Variants in GABRB1 observed in about 807,000 individuals in gnomAD.
GABRB1 encodes the protein gamma-aminobutyric acid receptor subunit beta-1.
Under a neutral mutation model 51.6 loss-of-function variants are expected in GABRB1, and 17 were observed. The ratio of observed to expected loss-of-function variants is 0.33; its 90% CI spans 0.23 to 0.49. The LOEUF (loss-of-function observed/expected upper bound fraction) is 0.49. Ranked by LOEUF, GABRB1 falls within the 20% of genes least tolerant of loss-of-function variation. The pLI is 0.99. For missense variants in GABRB1, 410 were observed against 600.6 expected, an observed-to-expected ratio of 0.68 and a Z score of 3.32; for synonymous variants, 247 against 218.9, an observed-to-expected ratio of 1.13 and a Z score of -1.14.
chr4:47,302,434 A>T (rs181730465), intron 4 of GABRB1, among the ~76,000 whole-genome samples: 12 of 152,086 alleles, frequency 7.9e-5, no homozygotes, highest in African/African-American at 2.9e-4. Context: ...TGAATATATC[A>T]TTTACTGTAA....
chr4:47,187,043 A>T (rs917883150), intron 4 of GABRB1, among the ~76,000 whole-genome samples: 1 of 151,916 alleles, frequency 6.6e-6, no homozygotes, highest in African/African-American at 2.4e-5. Flanking sequence ...CGCCTAGTAA[A>T]TATTGGAAGC....
At chr4:47,048,271 C>G (rs547253205) in intron 3 of GABRB1, among the ~76,000 whole-genome samples, 1 of 152,246 alleles carries the variant, frequency 6.6e-6, no homozygotes, top group South Asian at 2.1e-4. Flanking sequence ...AATTAAGTCT[C>G]TCTTCTTGGA....
At chr4:47,081,244 G>A (rs1727829888) in intron 3 of GABRB1, among the ~76,000 whole-genome samples, 1 of 152,136 alleles carries the variant, frequency 6.6e-6, no homozygotes. Flanking sequence ...AGCAGTGGAA[G>A]CACGTTTATG....
intron 3 of GABRB1, among the ~76,000 whole-genome samples, chr4:47,152,196 A>T (rs1444479330): frequency 6.6e-6 from 1 of 151,954 alleles, no homozygotes; most frequent in African/African-American, 2.4e-5. Context: ...TTTTATAAGG[A>T]TGAACAATTT....
At chr4:47,402,149 A>G (rs909876047) in intron 5 of GABRB1, among the ~76,000 whole-genome samples, 18 of 152,228 alleles carry the variant, frequency 1.2e-4, no homozygotes, top group Admixed American at 6.5e-4. Flanking sequence ...GGGGAAAAAT[A>G]GCTTAAAATT....
At chr4:47,219,257 G>T (rs145116325) in intron 4 of GABRB1, among the ~76,000 whole-genome samples, 12 of 151,776 alleles carry the variant, frequency 7.9e-5, no homozygotes, top group Non-Finnish European at 1.5e-5. Flanking sequence ...ATTACTAAAC[G>T]TAATTCTATA....
At chr4:47,213,140 C>G (rs1331328927) in intron 4 of GABRB1, among the ~76,000 whole-genome samples, 1 of 152,158 alleles carries the variant, frequency 6.6e-6, no homozygotes, top group South Asian at 2.1e-4. Context: ...TCCTTATACT[C>G]TTTCTTCAAA....
chr4:47,424,962 A>T (rs1729221770), intron 8 of GABRB1, among the ~76,000 whole-genome samples: 1 of 152,214 alleles, frequency 6.6e-6, no homozygotes, highest in African/African-American at 2.4e-5. Flanking sequence ...TTGACCCATT[A>T]ATCATATCTG....
At chr4:47,199,317 G>C (rs997355996) in intron 4 of GABRB1, among the ~76,000 whole-genome samples, 1 of 152,166 alleles carries the variant, frequency 6.6e-6, no homozygotes, top group Admixed American at 6.5e-5. Flanking sequence ...CCTTTTGCTA[G>C]TGCCTCTGAC....
intron 3 of GABRB1, among the ~76,000 whole-genome samples, chr4:47,072,964 CTT>C (rs755157966): frequency 3.7e-4 from 57 of 152,248 alleles, no homozygotes; most frequent in Non-Finnish European, 7.6e-4. Context: ...GTGCAGCACA[CTT>C]AGAATAGTTC....
chr4:47,001,562 G>GT (rs1285929953), intron 1 of GABRB1, among the ~76,000 whole-genome samples: 1 of 152,152 alleles, frequency 6.6e-6, no homozygotes, highest in Non-Finnish European at 1.5e-5. Flanking sequence ...CCAATCTGTT[G>GT]AAGGCCTTAA....
chr4:47,025,236 A>G (rs918001902), intron 1 of GABRB1, among the ~76,000 whole-genome samples: 1 of 151,512 alleles, frequency 6.6e-6, no homozygotes, highest in Admixed American at 6.6e-5. Flanking sequence ...TCATATACTG[A>G]TTTATTTTCC....
chr4:47,247,261 T>G (rs1171496788), intron 4 of GABRB1, among the ~76,000 whole-genome samples: 2 of 152,140 alleles, frequency 1.3e-5, no homozygotes, highest in Non-Finnish European at 2.9e-5. Flanking sequence ...CCCAGCACCA[T>G]TTGTTGAAAA....
intron 4 of GABRB1, among the ~76,000 whole-genome samples, chr4:47,200,818 A>C (rs1480811268): frequency 2.0e-5 from 3 of 152,152 alleles, no homozygotes; most frequent in Non-Finnish European, 4.4e-5. Flanking sequence ...CAGCTCTAGG[A>C]CCTTGATTTA....
At chr4:47,193,057 T>A (rs190310131) in intron 4 of GABRB1, among the ~76,000 whole-genome samples, 2 of 152,340 alleles carry the variant, frequency 1.3e-5, no homozygotes, top group African/African-American at 4.8e-5. Flanking sequence ...TTAATCCACA[T>A]GAAGCTAGCA....
Position 47,159,509 on chromosome 4 carries a change from ATT to A in GABRB1, c.241-1728_241-1727del, listed in dbSNP as rs5858056. On this transcript the variant is annotated intron_variant, in intron 3 of 8. Transcript: ENST00000295454. ...GAGGACTGTAAGTAGCCTGAGGGTTATTTTTTTTTTTTTACATGAAGGTAAGG... is the reference window on the plus strand; with the variant it reads ...GAGGACTGTAAGTAGCCTGAGGGTTATTTTTTTTTTTACATGAAGGTAAGG... 5.0e-3 allele frequency among the ~76,000 whole-genome samples: 742 copies of A among 148,340 alleles called. 4 individuals carry two copies. Among genetic ancestry groups the A allele is most frequent in the African/African-American group, 9.8e-3 (400 of 40,642 alleles).
intron 4 of GABRB1, among the ~76,000 whole-genome samples, chr4:47,272,817 G>C (rs897568493): frequency 1.3e-5 from 2 of 151,974 alleles, no homozygotes; most frequent in Admixed American, 6.6e-5. Context: ...GTTATAAATA[G>C]TGCTATAATG....
At chr4:47,324,630 T>A (rs1725187247) in intron 5 of GABRB1, among the ~76,000 whole-genome samples, 2 of 152,172 alleles carry the variant, frequency 1.3e-5, no homozygotes, top group Admixed American at 1.3e-4. Flanking sequence ...CTCAGAAAGG[T>A]CACAAAGGAC....
chr4:46,999,202 T>G (rs1475638142), intron 1 of GABRB1, among the ~76,000 whole-genome samples: 1 of 152,170 alleles, frequency 6.6e-6, no homozygotes, highest in Non-Finnish European at 1.5e-5. Context: ...ACTGGAGGTA[T>G]GATTCATTTG....
Sources: allele counts gnomAD v4.1 joint callset (sites outside exome capture counted in the v4.1 genomes callset), GRCh38; gene constraint gnomAD v4.1.1; transcripts MANE v1.5; gene names NCBI Gene and HGNC (gene_info 2026-07-23, HGNC 2026-07-21).